The following HOXA3 variants were observed in gnomAD, a reference collection of about 807,000 sequenced individuals.
The protein encoded by HOXA3 is homeobox A3, also known as homeobox protein Hox-A3.
Under a neutral mutation model 30.3 loss-of-function variants are expected in HOXA3, and 8 were observed. The ratio of observed to expected loss-of-function variants is 0.26; its 90% CI spans 0.15 to 0.48. The LOEUF (loss-of-function observed/expected upper bound fraction) is 0.48. HOXA3 is among the 20% of genes least tolerant of loss of function. HOXA3 has a pLI of 0.99. For synonymous variants in HOXA3, 323 were observed against 273.1 expected (o/e 1.18, Z -1.80); for missense variants, 653 against 614.4 (o/e 1.06, Z -0.66).
chr7:27,111,514 TTA>T (rs1784376871), intron 4 of HOXA3, among the ~76,000 whole-genome samples: 3 of 91,820 alleles, frequency 3.3e-5, no homozygotes, highest in African/African-American at 2.1e-4. Flanking sequence ...GTGTGTGTGT[TTA>T]GGGTGAGGGA....
chr7:27,112,762 A>C (rs1429571095), intron 4 of HOXA3, among the ~76,000 whole-genome samples: 1 of 150,004 alleles, frequency 6.7e-6, no homozygotes, highest in Non-Finnish European at 1.5e-5. Flanking sequence ...ACACTCGAAC[A>C]GCAAGATATT....
intron 2 of HOXA3, among the ~76,000 whole-genome samples, chr7:27,136,550 T>C (rs1454645142): frequency 2.0e-5 from 3 of 152,084 alleles, no homozygotes; most frequent in Non-Finnish European, 4.4e-5. Context: ...GCGGGTGAAT[T>C]GACTGTGAAC....
At position 27,110,292 on chromosome 7, in the gene HOXA3, C is replaced by T; in HGVS notation, c.349G>A (p.Ala117Thr). Residue 117 changes from alanine to threonine, a missense_variant, in exon 5 of 6, where the codon GCC becomes ACC. Around this residue, in one of 3 missense-constraint regions of HOXA3, gnomAD observed 320 missense variants for 321.9 expected, o/e 0.99. Transcript: ENST00000612286. ...GCAGAAGAGGGAGGCGGGGGCGCGG[C>T]AGGGGTAGGTGCAGGGGGCTGAGGT... The part of the protein sequence containing the change: ...PAPQPPAPTP[A>T]APPPPSSASP... The T allele has an allele frequency of 6.7e-7, 1 of 1,493,122 alleles. No homozygotes were observed. Among genetic ancestry groups the T allele is most frequent in the South Asian group, 1.4e-5 (1 of 70,722 alleles). The allele number at this position is 1,493,122 out of a possible 1,614,324, so 92.5% of individuals were successfully genotyped here.
At chr7:27,151,499 A>G in intron 1 of HOXA3, 1 of 427,498 alleles carries the variant, frequency 2.3e-6, no homozygotes, top group African/African-American at 2.0e-5. Flanking sequence ...CACGCGCGCT[A>G]ACAGCATTAT....
chr7:27,146,946 A>G (rs1419177702), intron 1 of HOXA3, among the ~76,000 whole-genome samples: 1 of 152,150 alleles, frequency 6.6e-6, no homozygotes, highest in East Asian at 1.9e-4. Flanking sequence ...GCAGTGCAAA[A>G]GGCCCTCTGG....
intron 2 of HOXA3, chr7:27,129,923 G>A: frequency 6.3e-6 from 4 of 637,604 alleles, no homozygotes; most frequent in Non-Finnish European, 1.1e-5. Flanking sequence ...AGGGACCCTG[G>A]GTACAAAAGG....
chr7:27,111,514 T>TGTGTGTG (rs1784376657), intron 4 of HOXA3, among the ~76,000 whole-genome samples: 1 of 91,826 alleles, frequency 1.1e-5, no homozygotes, highest in African/African-American at 6.9e-5. Flanking sequence ...GTGTGTGTGT[T>TGTGTGTG]TAGGGTGAGG....
Position 27,114,816 on chromosome 7 carries a change from CAT to C in HOXA3, c.-120-4058_-120-4057del, listed in dbSNP as rs1419518800. The stretch of plus-strand genomic sequence containing the variant: ...TTCTCAAACGGATTCCTAAAACATA[CAT>C]ATATATATAATATATATTATATATA... On this transcript the variant is annotated intron_variant, in intron 4 of 5. Coordinates refer to ENST00000612286, the MANE Select transcript of HOXA3 (RefSeq NM_153631.3). 4.5e-3 allele frequency among the ~76,000 whole-genome samples: 90 copies of C among 20,212 alleles called. 1 individual carries two copies. The highest frequency in any genetic ancestry group is 9.4e-3 in the African/African-American group (88 of 9,390). 13.3% of individuals were successfully genotyped at this position (20,212 alleles called of 152,430 possible). A position where few individuals can be genotyped will look rare whatever the true frequency, so the allele number is the denominator to read the frequency against.
chr7:27,111,260 A>G (rs1784358958), intron 4 of HOXA3, among the ~76,000 whole-genome samples: 1 of 152,196 alleles, frequency 6.6e-6, no homozygotes, highest in Non-Finnish European at 1.5e-5. Context: ...AAGAGCCCTG[A>G]GATGGGGTAA....
intron 1 of HOXA3, among the ~76,000 whole-genome samples, chr7:27,146,598 G>T (rs1462467588): frequency 3.9e-5 from 6 of 152,176 alleles, no homozygotes; most frequent in African/African-American, 1.2e-4. Context: ...CTAAGAGATG[G>T]AGCTATAGGT....
intron 4 of HOXA3, 142 bp from the exon 5 acceptor site, chr7:27,110,902 G>A (rs953967422): frequency 1.7e-5 from 8 of 466,896 alleles, no homozygotes; most frequent in Admixed American, 3.7e-5. Flanking sequence ...GCAGGGAGCC[G>A]TGCTATAAAA....
intron 2 of HOXA3, chr7:27,129,637 G>A: frequency 6.4e-7 from 1 of 1,566,482 alleles, no homozygotes; most frequent in Non-Finnish European, 8.7e-7. Flanking sequence ...GAAAGGAGGA[G>A]GAGAGAGAAG....
intron 2 of HOXA3, among the ~76,000 whole-genome samples, chr7:27,139,628 C>T (rs867738568): frequency 6.6e-6 from 1 of 152,192 alleles, no homozygotes; most frequent in African/African-American, 2.4e-5. Context: ...CTCCTGAGCG[C>T]AGCGCGGCCC....
chr7:27,147,407 T>C (rs1218985267), intron 1 of HOXA3: 1 of 1,614,122 alleles, frequency 6.2e-7, no homozygotes, highest in African/African-American at 1.3e-5. Context: ...CCGCTGCTGC[T>C]GTCGGGTTTG....
intron 1 of HOXA3, chr7:27,143,016 C>A: frequency 6.7e-7 from 1 of 1,493,070 alleles, no homozygotes; most frequent in South Asian, 1.4e-5. Context: ...TCCCCGCGGT[C>A]GCGTGGATTT....
At chr7:27,147,067 C>T (rs929205109) in intron 1 of HOXA3, 1 of 566,654 alleles carries the variant, frequency 1.8e-6, no homozygotes, top group Non-Finnish European at 3.1e-6. Flanking sequence ...CGTGCCAGTG[C>T]CCCCATCCTC....
At chr7:27,117,031 C>G (rs1254710624) in intron 4 of HOXA3, among the ~76,000 whole-genome samples, 1 of 152,170 alleles carries the variant, frequency 6.6e-6, no homozygotes, top group Non-Finnish European at 1.5e-5. Context: ...ATAAGCATCC[C>G]TTTCCCTACT....
chr7:27,108,229 G>T lies in HOXA3; in HGVS notation c.1018C>A (p.Pro340Thr). ...TAAGAGAGGTPDYDPHAHGLQ... is the reference protein window; with the variant it reads ...TAAGAGAGGTTDYDPHAHGLQ... ...CCATGAGCGTGCGGGTCATAGTCGG[G>T]GGTGCCCCCTGCGCCCGCCCCTGCC... Residue 340 changes from proline to threonine, a missense_variant, in exon 6 of 6, where the codon CCC becomes ACC. Pro to Thr is a conservative substitution (Grantham distance 38, BLOSUM62 -1). Around this residue, in one of 3 missense-constraint regions of HOXA3, gnomAD observed 330 missense variants for 274.4 expected, o/e 1.20. Coordinates refer to ENST00000612286, the MANE Select transcript of HOXA3 (RefSeq NM_153631.3). The surrounding 1 kb of genome is among the most constrained non-coding windows in gnomAD (Gnocchi z 5.0). 6.6e-7 allele frequency: 1 copy of T among 1,523,054 alleles called. No homozygotes were observed. The highest frequency in any genetic ancestry group is 8.8e-7 in the Non-Finnish European group (1 of 1,135,572). 94.3% of individuals were successfully genotyped at this position (1,523,054 alleles called of 1,614,324 possible).
chr7:27,137,012 A>G (rs1785735723), intron 2 of HOXA3, among the ~76,000 whole-genome samples: 1 of 152,168 alleles, frequency 6.6e-6, no homozygotes. Context: ...TGCACTCTCC[A>G]TGGTGGGCAA....
Sources: gnomAD v4.1 joint callset for allele counts (sites outside exome capture counted in the v4.1 genomes callset) on GRCh38, gnomAD v4.1.1 for gene constraint, gnomAD v4.1.1 regional missense constraint, Gnocchi (gnomAD v3.1) non-coding constraint, MANE v1.5 for transcripts, NCBI Gene and HGNC (gene_info 2026-07-23, HGNC 2026-07-21) for gene names.